CAB39L: variants seen among roughly 807,000 people sequenced by gnomAD.
CAB39L encodes calcium binding protein 39 like, also known as calcium-binding protein 39-like.
CAB39L carries 23 observed loss-of-function variants against 39.1 expected under a neutral mutation model. The ratio of observed to expected loss-of-function variants is 0.59; its 90% CI spans 0.42 to 0.83. The LOEUF (loss-of-function observed/expected upper bound fraction) is 0.83. Ranked by LOEUF, CAB39L falls within the 40% of genes least tolerant of loss-of-function variation. The probability of loss-of-function intolerance (pLI) is 0.00; values close to 1 mark genes in which losing one functional copy is unlikely to be tolerated. For missense variants in CAB39L, 366 were observed against 391.9 expected (o/e 0.93, Z 0.56); for synonymous variants, 126 against 137.2 (o/e 0.92, Z 0.57).
chr13:49,396,880 T>A (rs1956647088), intron 3 of CAB39L, among the ~76,000 whole-genome samples: 1 of 152,118 alleles, frequency 6.6e-6, no homozygotes, highest in African/African-American at 2.4e-5. Context: ...AGTACATACA[T>A]ATGTCAATAC....
At position 49,309,095 on chromosome 13, in the gene CAB39L, G is replaced by C. The variant is rs952249245; in HGVS notation, c.*1719C>G. 1.3e-5 allele frequency: 2 copies of C among 151,936 alleles called. No individual in the cohort carries two copies. The highest frequency in any genetic ancestry group is 1.9e-4 in the East Asian group (1 of 5,198). The allele number at this position is 151,936 out of a possible 1,614,324, so 9.4% of individuals were successfully genotyped here. A position where few individuals can be genotyped will look rare whatever the true frequency, so the allele number is the denominator to read the frequency against. On this transcript the variant is annotated 3_prime_UTR_variant, in exon 11 of 11. Transcript: ENST00000409308. The stretch of plus-strand genomic sequence containing the variant: ...ACTCATCTCTTTTAATTAAATAAGC[G>C]AAACCAGAAAAGTGCAATTCGAAGG...
In CAB39L at chr13:49,343,120, T is replaced by C. The variant is rs144275823; in HGVS notation, c.624+1059A>G. On this transcript the variant is annotated intron_variant, in intron 8 of 10. Transcript: ENST00000409308. ...TAGAACAAAACATACAAAGTTTTCC[T>C]TCTAGGTTTGAGCTATATTTTACTG... Among the ~76,000 whole-genome samples, 1,507 of 152,318 alleles carry C rather than the reference T, an allele frequency of 9.9e-3. 13 individuals carry two copies. The highest frequency in any genetic ancestry group is 0.016 in the Non-Finnish European group (1,069 of 68,022).
chr13:49,363,403 T>A (rs554896567), intron 5 of CAB39L, among the ~76,000 whole-genome samples: 3 of 152,324 alleles, frequency 2.0e-5, no homozygotes, highest in Non-Finnish European at 2.9e-5. Context: ...CATTTCTTTA[T>A]GTAATTAGTA....
At chr13:49,439,838 T>C (rs192447971) in intron 1 of CAB39L, among the ~76,000 whole-genome samples, 135 of 151,926 alleles carry the variant, frequency 8.9e-4, no homozygotes, top group Admixed American at 1.6e-3. Context: ...TGATTAGTGA[T>C]GTGGAACATT....
intron 3 of CAB39L, among the ~76,000 whole-genome samples, chr13:49,383,679 C>T (rs1030685388): frequency 7.9e-5 from 12 of 152,192 alleles, no homozygotes; most frequent in East Asian, 3.9e-4. Flanking sequence ...GTTATATTTA[C>T]GCTATACTGC....
At chr13:49,319,970 T>C (rs1463389740) in intron 10 of CAB39L, among the ~76,000 whole-genome samples, 4 of 152,230 alleles carry the variant, frequency 2.6e-5, no homozygotes, top group African/African-American at 9.6e-5. Flanking sequence ...TCAATTCCAC[T>C]GAATTCATTC....
At chr13:49,441,907 G>T (rs1254579201) in intron 1 of CAB39L, among the ~76,000 whole-genome samples, 1 of 152,164 alleles carries the variant, frequency 6.6e-6, no homozygotes, top group Admixed American at 6.5e-5. Flanking sequence ...GGGCTTGCCA[G>T]ATCATGTGAT....
rs553747453 is a variant in CAB39L, at chr13:49,322,212, C to T, written c.834+9735G>A. ...CTACTTTCTGCCCCTAGAGCTTTGC[C>T]GTATTCTAGACATTCATATAAATGG... On this transcript the variant is annotated intron_variant, in intron 10 of 10. Coordinates refer to ENST00000409308, the MANE Select transcript of CAB39L (RefSeq NM_001079670.3). Among the ~76,000 whole-genome samples, 6 of 152,232 alleles carry T rather than the reference C, an allele frequency of 3.9e-5. No homozygotes were observed. The South Asian group carries it at 1.0e-3, about 26-fold the overall frequency.
intron 3 of CAB39L, among the ~76,000 whole-genome samples, chr13:49,395,320 C>T (rs958902301): frequency 2.6e-5 from 4 of 151,612 alleles, no homozygotes; most frequent in Non-Finnish European, 5.9e-5. Context: ...ACTGCAACCT[C>T]CGCCCCCCGG....
intron 10 of CAB39L, among the ~76,000 whole-genome samples, chr13:49,318,341 A>G (rs1391338316): frequency 6.6e-6 from 1 of 150,704 alleles, no homozygotes; most frequent in Non-Finnish European, 1.5e-5. Flanking sequence ...TGTGGTGCAC[A>G]TTGTAGTTCC....
At chr13:49,408,837 C>T (rs767413927) in intron 3 of CAB39L, among the ~76,000 whole-genome samples, 7 of 151,500 alleles carry the variant, frequency 4.6e-5, no homozygotes, top group African/African-American at 1.5e-4. Flanking sequence ...TCCCCTCCCC[C>T]CCAAAAAAAG....
intron 3 of CAB39L, among the ~76,000 whole-genome samples, chr13:49,416,151 A>G (rs542938137): frequency 5.3e-5 from 8 of 152,308 alleles, no homozygotes; most frequent in African/African-American, 1.4e-4. Context: ...CAACTGTCTC[A>G]CTGTTCATGG....
At chr13:49,330,312 C>T (rs555563944) in intron 10 of CAB39L, among the ~76,000 whole-genome samples, 55 of 152,250 alleles carry the variant, frequency 3.6e-4, no homozygotes, top group South Asian at 6.2e-4. Flanking sequence ...TTTTACCAGA[C>T]CTGCCTCTTG....
rs1954721516 is a variant in CAB39L at position 49,332,191 on chromosome 13, G to C, written c.691-101C>G. 2.2e-6 allele frequency: 3 copies of C among 1,375,284 alleles called. No individual in the cohort carries two copies. In the East Asian group the frequency reaches 7.0e-5, roughly 32 times the overall value. 85.2% of individuals were successfully genotyped at this position (1,375,284 alleles called of 1,614,324 possible). A position where few individuals can be genotyped will look rare whatever the true frequency, so the allele number is the denominator to read the frequency against. ...AAAAACAAAATATAAATGTGAGTAA[G>C]AATGGTGTTGTGAAAAAAATTAGAG... is the stretch of plus-strand genomic sequence containing the variant. On this transcript the variant is annotated intron_variant, in intron 9 of 10. Transcript: ENST00000409308.
At position 49,331,580 on chromosome 13, in the gene CAB39L, T is replaced by C. The variant is rs572514523; in HGVS notation, c.834+367A>G. ...ATTAATAATGTGAGTAGTACCCGACTGTGTCTTCAGGGCGTCATTTAAAGT... is the reference window on the plus strand; with the variant it reads ...ATTAATAATGTGAGTAGTACCCGACCGTGTCTTCAGGGCGTCATTTAAAGT... On this transcript the variant is annotated intron_variant, in intron 10 of 10. Coordinates refer to ENST00000409308, the MANE Select transcript of CAB39L (RefSeq NM_001079670.3). 1.8e-4 allele frequency among the ~76,000 whole-genome samples: 27 copies of C among 152,308 alleles called. No individual in the cohort carries two copies. The South Asian group carries it at 2.1e-3, about 12-fold the overall frequency.
At chr13:49,409,227 T>C (rs1215149726) in intron 3 of CAB39L, among the ~76,000 whole-genome samples, 2 of 152,152 alleles carry the variant, frequency 1.3e-5, no homozygotes, top group Non-Finnish European at 2.9e-5. Context: ...ACACTGGCTC[T>C]GATTCAGGCA....
chr13:49,358,615 C>T (rs909508209), intron 6 of CAB39L, among the ~76,000 whole-genome samples: 5 of 152,312 alleles, frequency 3.3e-5, no homozygotes, highest in Admixed American at 6.5e-5. Context: ...AATTCCAGCA[C>T]TTTGGGAGTC....
chr13:49,362,651 G>A (rs1477038062), intron 5 of CAB39L, among the ~76,000 whole-genome samples: 1 of 151,640 alleles, frequency 6.6e-6, no homozygotes, highest in African/African-American at 2.4e-5. Flanking sequence ...TTAAAGAGGA[G>A]GTAGAAAAAG....
Position 49,377,369 on chromosome 13 carries a change from T to TATACAAGAAA in CAB39L, c.112-248_112-239dup, listed in dbSNP as rs1423252373. On this transcript the variant is annotated intron_variant, in intron 4 of 10. Coordinates refer to ENST00000409308, the MANE Select transcript of CAB39L (RefSeq NM_001079670.3). ...CCAGCCTGGCTCTAAGAGCCGGGGC[T>TATACAAGAAA]ATACAAGAAACTTTTTCGGCTCTCC... is the stretch of plus-strand genomic sequence containing the variant. Among the ~76,000 whole-genome samples the TATACAAGAAA allele has an allele frequency of 8.5e-5, 4 of 46,892 alleles. 1 individual carries two copies. In the South Asian group the frequency reaches 2.6e-3, roughly 30 times the overall value. The allele number at this position is 46,892 out of a possible 152,430, so 30.8% of individuals were successfully genotyped here.
Sources: gnomAD v4.1 joint callset for allele counts (sites outside exome capture counted in the v4.1 genomes callset) on GRCh38, gnomAD v4.1.1 for gene constraint, MANE v1.5 for transcripts, NCBI Gene and HGNC (gene_info 2026-07-23, HGNC 2026-07-21) for gene names.